CREBZF: variants seen among roughly 807,000 people sequenced by gnomAD.
The protein encoded by CREBZF is CREB/ATF bZIP transcription factor.
CREBZF carries 8 observed loss-of-function variants against 21.1 expected under a neutral mutation model. The ratio of observed to expected loss-of-function variants is 0.38; its 90% confidence interval spans 0.22 to 0.68. The LOEUF (loss-of-function observed/expected upper bound fraction) is 0.68, where lower values mean the gene tolerates loss of function less well. Among genes scored for constraint, CREBZF ranks in the 30% least tolerant of loss-of-function variants. CREBZF has a pLI of 0.51. For missense variants in CREBZF, 518 were observed against 484.3 expected (o/e 1.07, Z -0.65); for synonymous variants, 270 against 223.3 (o/e 1.21, Z -1.86).
At chr11:85,675,320 CTT>C (rs1465080433) in intron 1 of CREBZF, among the ~76,000 whole-genome samples, 1 of 152,180 alleles carries the variant, frequency 6.6e-6, no homozygotes, top group Non-Finnish European at 1.5e-5. Flanking sequence ...ATGTATAACT[CTT>C]TCACTTGAAC....
Position 85,663,652 on chromosome 11 carries a change from T to A in CREBZF, c.*159A>T, listed in dbSNP as rs1331924179. On this transcript the variant is annotated 3_prime_UTR_variant, in exon 1 of 1. Coordinates refer to ENST00000527447, the MANE Select transcript of CREBZF (RefSeq NM_001039618.4). ...TGTTATCATTAGGAGTTGGTTACTG[T>A]GTCACATTCATGCTTTTAGCTAAAC... The A allele has an allele frequency of 1.9e-6, 3 of 1,600,290 alleles. No homozygotes were observed. Among genetic ancestry groups the A allele is most frequent in the Non-Finnish European group, 2.6e-6 (3 of 1,173,296 alleles).
At chr11:85,676,970 C>CTTT (rs1422368391) in intron 1 of CREBZF, among the ~76,000 whole-genome samples, 2 of 118,636 alleles carry the variant, frequency 1.7e-5, no homozygotes, top group Admixed American at 8.8e-5. Flanking sequence ...CTTTTTCTGT[C>CTTT]TTTTTTTTTT....
chr11:85,660,730 T>C lies in CREBZF; in HGVS notation c.*3081A>G, dbSNP rs2082649854. On this transcript the variant is annotated 3_prime_UTR_variant, in exon 1 of 1. Coordinates refer to ENST00000527447, the MANE Select transcript of CREBZF (RefSeq NM_001039618.4). ...TTTAACAAAAGTGGACTTTTTAAGA[T>C]AAGTCTGGTCAAAGAAGTGCAGAAA... is the stretch of plus-strand genomic sequence containing the variant. The C allele has an allele frequency of 2.7e-6, 1 of 376,814 alleles. No homozygotes were observed. Among genetic ancestry groups the C allele is most frequent in the Admixed American group, 3.5e-5 (1 of 28,900 alleles). 23.3% of individuals were successfully genotyped at this position (376,814 alleles called of 1,614,324 possible).
rs1325829509 is a variant in CREBZF, at chr11:85,658,233, T to TAG, written c.*5577_*5578insCT. 6.6e-6 allele frequency among the ~76,000 whole-genome samples: 1 copy of TAG among 152,002 alleles called. No individual in the cohort carries two copies. Among genetic ancestry groups the TAG allele is most frequent in the Non-Finnish European group, 1.5e-5 (1 of 67,868 alleles). On this transcript the variant is annotated 3_prime_UTR_variant, in exon 1 of 1. Coordinates refer to ENST00000527447, the MANE Select transcript of CREBZF (RefSeq NM_001039618.4). ...ACTTAGATAATTCAAAGCCCAATGA[T>TAG]ATAACTAAGTTCTTTGACGATTGAG...
At chr11:85,674,967 A>T (rs1420607511) in intron 1 of CREBZF, among the ~76,000 whole-genome samples, 1 of 152,186 alleles carries the variant, frequency 6.6e-6, no homozygotes. Flanking sequence ...TTTCTTCTGC[A>T]GTTTCCTCAC....
chr11:85,671,890 G>A (rs150451690), intron 1 of CREBZF, among the ~76,000 whole-genome samples: 93 of 152,342 alleles, frequency 6.1e-4, no homozygotes, highest in Non-Finnish European at 3.5e-4. Context: ...CTGGAGGATG[G>A]TGACCCTCTT....
At chr11:85,671,298 C>T (rs1259078025) in intron 1 of CREBZF, among the ~76,000 whole-genome samples, 4 of 152,174 alleles carry the variant, frequency 2.6e-5, no homozygotes, top group Non-Finnish European at 4.4e-5. Flanking sequence ...CCCACTGGGT[C>T]CCTTCCACAA....
Position 85,664,568 on chromosome 11 carries a change from G to A in CREBZF, c.308C>T (p.Ser103Phe). ...GEETEDMDFL[S>F]GLELADLLDP... ...CAGGAGATCCGCCAGTTCCAGCCCA[G>A]ACAGAAAGTCCATATCCTCCGTCTC... is the stretch of plus-strand genomic sequence containing the variant. Residue 103 changes from serine to phenylalanine, a missense_variant, in exon 1 of 1, where the codon TCT becomes TTT. Ser to Phe is a radical substitution (Grantham distance 155, BLOSUM62 -2). Transcript: ENST00000527447. This position sits in a 1 kb window ranked among gnomAD's most constrained non-coding sequence, Gnocchi z 5.5. 1 of 1,613,920 alleles carries A rather than the reference G, an allele frequency of 6.2e-7. No homozygotes were observed. The highest frequency in any genetic ancestry group is 8.5e-7 in the Non-Finnish European group (1 of 1,179,970).
chr11:85,676,981 T>TTTTTTTTTTTTTTG (rs1168587081), intron 1 of CREBZF, among the ~76,000 whole-genome samples: 1 of 147,548 alleles, frequency 6.8e-6, no homozygotes, highest in African/African-American at 2.5e-5. Context: ...TTTTTTTTTT[T>TTTTTTTTTTTTTTG]GAGACAGAAT....
upstream of CREBZF, among the ~76,000 whole-genome samples, chr11:85,666,815 G>GA (rs917945183): frequency 1.3e-4 from 20 of 152,290 alleles, no homozygotes; most frequent in African/African-American, 4.8e-4. Flanking sequence ...TTCAAGGTGT[G>GA]AAAAAAGTAT....
At position 85,664,753 on chromosome 11, in the gene CREBZF, C is replaced by G; in HGVS notation, c.123G>C (p.Gly41=). The change falls in exon 1 of 1, where the codon GGG becomes GGC. Residue 41 remains glycine, a synonymous_variant. Coordinates refer to ENST00000527447, the MANE Select transcript of CREBZF (RefSeq NM_001039618.4). This position sits in a 1 kb window ranked among gnomAD's most constrained non-coding sequence, Gnocchi z 5.5. ...ATCCGGCCGCCGCCGTCTCCTCCTC[C>G]CCCGCTGCAGCCCGGGTCAGGTCAG... ...LPSDLTRAAA[G]EEETAAAGSP... 1.2e-6 allele frequency: 2 copies of G among 1,608,444 alleles called. No individual in the cohort carries two copies. Among genetic ancestry groups the G allele is most frequent in the Non-Finnish European group, 8.5e-7 (1 of 1,178,530 alleles).
At chr11:85,671,448 C>T (rs1483116618) in intron 1 of CREBZF, among the ~76,000 whole-genome samples, 1 of 152,176 alleles carries the variant, frequency 6.6e-6, no homozygotes, top group African/African-American at 2.4e-5. Context: ...AACAGTCCCA[C>T]ATTCAGCATT....
At position 85,676,970 on chromosome 11, in the gene CREBZF, C is replaced by CTTTTTTTTTTTTTTTTT. The variant is rs1422368391; in HGVS notation, n.147+5746_147+5747insAAAAAAAAAAAAAAAAA. 8.7e-4 allele frequency among the ~76,000 whole-genome samples: 103 copies of CTTTTTTTTTTTTTTTTT among 118,610 alleles called. 6 individuals carry two copies. Among genetic ancestry groups the CTTTTTTTTTTTTTTTTT allele is most frequent in the African/African-American group, 1.2e-3 (36 of 30,244 alleles). 77.8% of individuals were successfully genotyped at this position (118,610 alleles called of 152,430 possible). The stretch of plus-strand genomic sequence containing the variant: ...TAAAGTAATTTTTTTCTTTTTCTGT[C>CTTTTTTTTTTTTTTTTT]TTTTTTTTTTTGAGACAGAATGTCA... On this transcript the variant is annotated intron_variant and non_coding_transcript_variant, in intron 1 of 3. Transcript: ENST00000531515.
intron 1 of CREBZF, among the ~76,000 whole-genome samples, chr11:85,679,389 A>T (rs972627064): frequency 6.6e-6 from 1 of 152,200 alleles, no homozygotes; most frequent in Non-Finnish European, 1.5e-5. Context: ...ACCACTTAGC[A>T]TAGTGTCTTG....
Position 85,664,332 on chromosome 11 carries a change from C to A in CREBZF, c.544G>T (p.Ala182Ser). 6.2e-7 allele frequency: 1 copy of A among 1,612,262 alleles called. No individual in the cohort carries two copies. Among genetic ancestry groups the A allele is most frequent in the Non-Finnish European group, 8.5e-7 (1 of 1,179,502 alleles). ...GGGGACTTTCTCCGCCTCTTTTCGG[C>A]GCTGCCACTGTCACTGCTGCTGCTG... ...GCSSSSDSGS[A>S]EKRRRKSPGG... Residue 182 changes from alanine (A) to serine (S), a missense_variant, in exon 1 of 1, where the codon GCC (alanine) becomes TCC (serine). This residue lies in a region of CREBZF where 396 missense variants were observed against 324.4 expected (regional missense o/e 1.22). Coordinates refer to ENST00000527447, the MANE Select transcript of CREBZF (RefSeq NM_001039618.4). This position sits in a 1 kb window ranked among gnomAD's most constrained non-coding sequence, Gnocchi z 5.5.
Position 85,664,275 on chromosome 11 carries a change from C to T in CREBZF, c.601G>A (p.Asp201Asn). 1 of 1,612,586 alleles carries T rather than the reference C, an allele frequency of 6.2e-7. No homozygotes were observed. Among genetic ancestry groups the T allele is most frequent in the Non-Finnish European group, 8.5e-7 (1 of 1,179,736 alleles). Reference protein sequence around the residue: ...GGGGGGGSGNDNNQAATKSPR... With the variant: ...GGGGGGGSGNNNNQAATKSPR... Reference sequence around the variant, plus strand: ...CTCTTTGTCGCCGCCTGGTTGTTGTCGTTACCGCTGCCGCCACCGCCGCCT... The same window carrying T: ...CTCTTTGTCGCCGCCTGGTTGTTGTTGTTACCGCTGCCGCCACCGCCGCCT... The change falls in exon 1 of 1, where the codon GAC (aspartate) becomes AAC (asparagine). Residue 201 changes from aspartate to asparagine, a missense_variant. By Grantham distance (23) the Asp-to-Asn change is conservative. Around this residue, in one of 3 missense-constraint regions of CREBZF, gnomAD observed 396 missense variants for 324.4 expected, o/e 1.22. Coordinates refer to ENST00000527447, the MANE Select transcript of CREBZF (RefSeq NM_001039618.4). This position sits in a 1 kb window ranked among gnomAD's most constrained non-coding sequence, Gnocchi z 5.5.
chr11:85,677,812 C>T (rs1236288579), intron 1 of CREBZF, among the ~76,000 whole-genome samples: 1 of 152,214 alleles, frequency 6.6e-6, no homozygotes, highest in Non-Finnish European at 1.5e-5. Context: ...ATTAACCTCT[C>T]TCCTAATGGT....
chr11:85,663,829 C>A lies in CREBZF; in HGVS notation c.1047G>T (p.Ser349=). 1 of 1,600,720 alleles carries A rather than the reference C, an allele frequency of 6.2e-7. No individual in the cohort carries two copies. The highest frequency in any genetic ancestry group is 1.1e-5 in the South Asian group (1 of 90,366). The change falls in exon 1 of 1, where the codon TCG becomes TCT. Residue 349 remains serine (S), a synonymous_variant. Transcript: ENST00000527447. ...EFCSACARKA[S]SSLKM ...CTTGACCCTACATTTTAAGAGAAGA[C>A]GACGCCTTCCGGGCGCACGCCGAGC...
chr11:85,676,998 C>G (rs2082947157), intron 1 of CREBZF, among the ~76,000 whole-genome samples: 1 of 109,964 alleles, frequency 9.1e-6, no homozygotes, highest in Admixed American at 1.0e-4. Flanking sequence ...GAATGTCACT[C>G]TGTCACCCAG....
Sources: gnomAD v4.1 joint callset for allele counts (sites outside exome capture counted in the v4.1 genomes callset) on GRCh38, gnomAD v4.1.1 for gene constraint, gnomAD v4.1.1 regional missense constraint, Gnocchi (gnomAD v3.1) non-coding constraint, MANE v1.5 for transcripts, NCBI Gene and HGNC (gene_info 2026-07-23, HGNC 2026-07-21) for gene names.